Variants in PTK2B observed in about 807,000 individuals in gnomAD.
PTK2B encodes the protein protein-tyrosine kinase 2-beta.
In PTK2B, 71 loss-of-function variants were observed where a neutral mutation model predicts 142.9. The observed-to-expected ratio is 0.50, with a 90% CI of 0.41 to 0.61. PTK2B has a LOEUF of 0.61. Ranked by LOEUF, PTK2B falls within the 20% of genes least tolerant of loss-of-function variation. The pLI is 0.00. For synonymous variants in PTK2B, 519 were observed against 503.4 expected (o/e 1.03, Z -0.42); for missense variants, 1,105 against 1,320.4 (o/e 0.84, Z 2.53).
intron 21 of PTK2B, among the ~76,000 whole-genome samples, chr8:27,440,953 C>T (rs1408858243): frequency 2.6e-5 from 4 of 151,996 alleles, no homozygotes; most frequent in Non-Finnish European, 4.4e-5. Context: ...CTGGGGAGGT[C>T]ACTGGGGAAG....
intron 24 of PTK2B, among the ~76,000 whole-genome samples, chr8:27,450,488 T>C (rs1223215872): frequency 6.6e-6 from 1 of 152,202 alleles, no homozygotes; most frequent in Non-Finnish European, 1.5e-5. Context: ...GAGCAGATCG[T>C]GTAATCATTT....
intron 4 of PTK2B, 170 bp from the exon 5 acceptor site, chr8:27,422,134 C>G (rs1333324636): frequency 1.8e-6 from 1 of 543,782 alleles, no homozygotes; most frequent in Non-Finnish European, 3.1e-6. Flanking sequence ...TGTGGAGGCA[C>G]AAGCACCCTT....
rs543348430 is a variant in PTK2B at position 27,388,676 on chromosome 8, A to G, written c.-37-8872A>G. Among the ~76,000 whole-genome samples the G allele has an allele frequency of 8.5e-5, 13 of 152,288 alleles. No homozygotes were observed. In the South Asian group the frequency reaches 2.7e-3, roughly 32 times the overall value. On this transcript the variant is annotated intron_variant, in intron 1 of 30. Coordinates refer to ENST00000346049, the MANE Select transcript of PTK2B (RefSeq NM_173176.3). ...TCTCCCCAACTCCCCTTTCAGTGCC[A>G]TCATGCTGGTGGCTTGGAATCAGCC...
intron 18 of PTK2B, among the ~76,000 whole-genome samples, chr8:27,438,672 G>A (rs1563290192): frequency 2.0e-5 from 3 of 152,232 alleles, no homozygotes; most frequent in African/African-American, 7.2e-5. Context: ...ATGGGGGACA[G>A]TGTAGGCAAC....
At chr8:27,428,134 C>A (rs899552946) in intron 5 of PTK2B, among the ~76,000 whole-genome samples, 3 of 152,082 alleles carry the variant, frequency 2.0e-5, no homozygotes, top group African/African-American at 7.2e-5. Context: ...TCATAAGGAG[C>A]GTGAAACCTA....
chr8:27,375,866 C>G (rs758573335), intron 1 of PTK2B, among the ~76,000 whole-genome samples: 10 of 152,188 alleles, frequency 6.6e-5, no homozygotes, highest in Admixed American at 2.0e-4. Flanking sequence ...AGCAGGGTAC[C>G]CTGTGTTCTG....
intron 1 of PTK2B, among the ~76,000 whole-genome samples, chr8:27,376,753 G>T (rs146522422): frequency 1.3e-5 from 2 of 152,154 alleles, no homozygotes; most frequent in African/African-American, 2.4e-5. Context: ...AAATTACCCT[G>T]ATCTAAAATT....
At chr8:27,311,015 G>A, upstream of PTK2B, 2 of 1,610,262 alleles carry the variant, frequency 1.2e-6, no homozygotes, top group Middle Eastern at 3.3e-4. Flanking sequence ...GTTGTTGAGG[G>A]TGTGGTTGGT....
intron 1 of PTK2B, among the ~76,000 whole-genome samples, chr8:27,383,155 T>C (rs936949378): frequency 2.0e-5 from 3 of 152,322 alleles, no homozygotes; most frequent in Non-Finnish European, 4.4e-5. Context: ...GGTAGTATGG[T>C]CATTTTAACA....
At chr8:27,391,312 A>G (rs1280841343) in intron 1 of PTK2B, among the ~76,000 whole-genome samples, 2 of 151,914 alleles carry the variant, frequency 1.3e-5, no homozygotes, top group Admixed American at 1.3e-4. Flanking sequence ...GATCAGGCTG[A>G]TCTCAAACTC....
chr8:27,358,656 T>G (rs1051081482), intron 1 of PTK2B, among the ~76,000 whole-genome samples: 2 of 152,158 alleles, frequency 1.3e-5, no homozygotes, highest in Middle Eastern at 3.2e-3. Flanking sequence ...CTTTATTTAT[T>G]AAGACTTCTA....
intron 8 of PTK2B, 164 bp downstream of exon 8, chr8:27,431,180 C>G: frequency 6.8e-7 from 1 of 1,466,416 alleles, no homozygotes; most frequent in Non-Finnish European, 9.2e-7. Flanking sequence ...ATCCCCTTGC[C>G]TGAAGCAGGC....
rs745942272 is a variant in PTK2B, at chr8:27,430,998, C to T, written c.792C>T (p.Thr264=). 2.5e-6 allele frequency: 4 copies of T among 1,613,910 alleles called. No homozygotes were observed. The highest frequency in any genetic ancestry group is 1.1e-5 in the South Asian group (1 of 91,070). The part of the protein sequence containing the change: ...LAGFANIDQE[T]YRCELIQGWN... Reference sequence around the variant, plus strand: ...GCTTCGCCAACATCGACCAGGAGACCTACCGCTGTGAACTCATTGTAATGG... The same window carrying T: ...GCTTCGCCAACATCGACCAGGAGACTTACCGCTGTGAACTCATTGTAATGG... Residue 264 remains threonine (T), a synonymous_variant, in exon 8 of 31, where the codon ACC becomes ACT. Transcript: ENST00000346049.
intron 1 of PTK2B, among the ~76,000 whole-genome samples, chr8:27,365,124 C>G (rs1323549342): frequency 1.3e-5 from 2 of 152,200 alleles, no homozygotes; most frequent in East Asian, 3.8e-4. Context: ...CCTGCCTTTC[C>G]CATGAGATGA....
chr8:27,401,210 C>G (rs376995085), intron 2 of PTK2B, among the ~76,000 whole-genome samples: 1 of 151,932 alleles, frequency 6.6e-6, no homozygotes, highest in South Asian at 2.1e-4. Context: ...AAAGAGCAGC[C>G]AATGAAGGAA....
chr8:27,311,396 G>A (rs1019933755), upstream of PTK2B: 14 of 881,774 alleles, frequency 1.6e-5, no homozygotes, highest in Non-Finnish European at 2.1e-5. Flanking sequence ...GGGATGGCGA[G>A]GGGGAGGGAG....
At chr8:27,337,996 T>G (rs1310232226) in intron 1 of PTK2B, among the ~76,000 whole-genome samples, 1 of 152,218 alleles carries the variant, frequency 6.6e-6, no homozygotes. Context: ...TACTTCTTGG[T>G]TCTAATACCT....
At chr8:27,349,526 G>A (rs890416163) in intron 1 of PTK2B, among the ~76,000 whole-genome samples, 1 of 152,206 alleles carries the variant, frequency 6.6e-6, no homozygotes, top group Admixed American at 6.5e-5. Context: ...CAGTGCATTG[G>A]CAGGAATGCG....
intron 24 of PTK2B, among the ~76,000 whole-genome samples, chr8:27,447,445 A>G (rs1304990448): frequency 6.6e-6 from 1 of 152,214 alleles, no homozygotes; most frequent in Non-Finnish European, 1.5e-5. Context: ...TCCCAGAAAA[A>G]CAGTTTTTCT....
Sources: allele counts gnomAD v4.1 joint callset (sites outside exome capture counted in the v4.1 genomes callset), GRCh38; gene constraint gnomAD v4.1.1; transcripts MANE v1.5; gene names NCBI Gene and HGNC (gene_info 2026-07-23, HGNC 2026-07-21).